SPAG17: variants seen among roughly 807,000 people sequenced by gnomAD.
SPAG17 encodes sperm-associated antigen 17.
A neutral mutation model predicts 273.6 loss-of-function variants in SPAG17; 169 were observed. That is an observed-to-expected ratio of 0.62 (90% CI 0.55 to 0.70). The LOEUF (loss-of-function observed/expected upper bound fraction) is 0.70. SPAG17 is among the 30% of genes least tolerant of loss of function. The probability of loss-of-function intolerance (pLI) is 0.00; values close to 1 mark genes in which losing one functional copy is unlikely to be tolerated. For synonymous variants in SPAG17, 825 were observed against 873.2 expected, an observed-to-expected ratio of 0.94 and a Z score of 0.97; for missense variants, 2,557 against 2,627.8, an observed-to-expected ratio of 0.97 and a Z score of 0.59.
At chr1:118,086,820 G>C (rs1003104653) in intron 11 of SPAG17, 36 bp from the exon 12 acceptor site, 6 of 1,613,762 alleles carry the variant, frequency 3.7e-6, no homozygotes, top group Non-Finnish European at 4.2e-6. Context: ...TTAAAGAGAG[G>C]ATCTATACTT....
At chr1:118,092,553 T>A (rs1655444449) in intron 8 of SPAG17, among the ~76,000 whole-genome samples, 2 of 152,222 alleles carry the variant, frequency 1.3e-5, no homozygotes, top group Admixed American at 1.3e-4. Context: ...TTTGCCCCTG[T>A]CTTGAGAATA....
chr1:117,982,033 C>T (rs1347881212), intron 42 of SPAG17, among the ~76,000 whole-genome samples: 1 of 152,072 alleles, frequency 6.6e-6, no homozygotes, highest in Non-Finnish European at 1.5e-5. Flanking sequence ...TGCTGACTGC[C>T]CAGGCTGCAG....
At position 117,994,519 on chromosome 1, in the gene SPAG17, T is replaced by C. The variant is rs72697565; in HGVS notation, c.5065A>G (p.Ile1689Val). 2.5e-6 allele frequency: 4 copies of C among 1,608,440 alleles called. No individual in the cohort carries two copies. Among genetic ancestry groups the C allele is most frequent in the African/African-American group, 1.3e-5 (1 of 74,744 alleles). ...TCATGGAAAGGGCGAAGGACTGTGA[T>C]GGTTAGGGTGCCTGGTTCAAAGAAA... is the stretch of plus-strand genomic sequence containing the variant. ...PVQEQPGTLT[I>V]TVLRPFHEAS... is the part of the protein sequence containing the mutation. Residue 1689 changes from isoleucine to valine, a missense_variant, in exon 35 of 49, where the codon ATC becomes GTC. Transcript: ENST00000336338.
At chr1:118,009,763 G>T (rs1298217780) in intron 30 of SPAG17, among the ~76,000 whole-genome samples, 1 of 151,738 alleles carries the variant, frequency 6.6e-6, no homozygotes, top group African/African-American at 2.4e-5. Context: ...CATAATAAAA[G>T]GTCCTAATGC....
At chr1:118,161,996 C>G (rs146128748) in intron 1 of SPAG17, among the ~76,000 whole-genome samples, 1 of 152,094 alleles carries the variant, frequency 6.6e-6, no homozygotes, top group Non-Finnish European at 1.5e-5. Flanking sequence ...AAACTGCTTC[C>G]CACTCATTCC....
At chr1:117,963,539 A>G in intron 48 of SPAG17, 2 of 194,196 alleles carry the variant, frequency 1.0e-5, no homozygotes, top group Non-Finnish European at 2.1e-5. Flanking sequence ...GATTTTTTCT[A>G]TTGTTTAGTA....
chr1:118,078,325 TA>T (rs1654271559), intron 15 of SPAG17, among the ~76,000 whole-genome samples: 1 of 152,148 alleles, frequency 6.6e-6, no homozygotes, highest in South Asian at 2.1e-4. Flanking sequence ...TAAATGTTTT[TA>T]AAATTATGAA....
chr1:118,086,579 G>T, intron 12 of SPAG17, 92 bp downstream of exon 12: 1 of 1,062,458 alleles, frequency 9.4e-7, no homozygotes, highest in Non-Finnish European at 1.4e-6. Flanking sequence ...AATTAGTGTT[G>T]ATGAAGTTAT....
intron 3 of SPAG17, among the ~76,000 whole-genome samples, chr1:118,141,914 A>C (rs1374669031): frequency 1.3e-5 from 2 of 152,228 alleles, no homozygotes; most frequent in Non-Finnish European, 1.5e-5. Context: ...GGACTAGTAT[A>C]ATGGGACACT....
rs562909384 is a variant in SPAG17, at chr1:118,073,652, A to G, written c.2385+202T>C. 2.7e-4 allele frequency among the ~76,000 whole-genome samples: 41 copies of G among 152,288 alleles called. 1 individual carries two copies. Among genetic ancestry groups the G allele is most frequent in the Admixed American group, 7.9e-4 (12 of 15,282 alleles). On this transcript the variant is annotated intron_variant, in intron 17 of 48. Coordinates refer to ENST00000336338, the MANE Select transcript of SPAG17 (RefSeq NM_206996.4). ...ATATTTTATAAAAGCATTCTTTCAT[A>G]AAGTATATTTTAAACTATTTTAGAG... is the stretch of plus-strand genomic sequence containing the variant.
rs1261523484 is a variant in SPAG17, at chr1:118,012,173, A to T, written c.4432+55T>A. The T allele has an allele frequency of 1.9e-6, 3 of 1,549,020 alleles. No homozygotes were observed. The Admixed American group carries it at 5.2e-5, about 27-fold the overall frequency. Reference sequence around the variant, plus strand: ...TCAGCAGTCAGTGAGGATTCTATCTAACTTACGCTAAAGAGTTATAAAATA... The same window carrying T: ...TCAGCAGTCAGTGAGGATTCTATCTTACTTACGCTAAAGAGTTATAAAATA... On this transcript the variant is annotated intron_variant, in intron 30 of 48. Coordinates refer to ENST00000336338, the MANE Select transcript of SPAG17 (RefSeq NM_206996.4).
intron 4 of SPAG17, among the ~76,000 whole-genome samples, chr1:118,103,840 A>AGTATGTGTGTGTGT (rs1553251055): frequency 6.6e-5 from 9 of 136,286 alleles, no homozygotes; most frequent in African/African-American, 2.5e-4. Context: ...GGGAAAATGT[A>AGTATGTGTGTGTGT]GTGTGTGTGT....
At chr1:117,974,390 A>C (rs189980227) in intron 43 of SPAG17, among the ~76,000 whole-genome samples, 2 of 152,288 alleles carry the variant, frequency 1.3e-5, no homozygotes, top group East Asian at 3.9e-4. Context: ...ATAAATGAGA[A>C]AAATAAGATT....
rs572580814 is a variant in SPAG17, at chr1:118,134,863, C to A, written c.315+15680G>T. Reference sequence around the variant, plus strand: ...TTCCTTTGCCTAGAATTCCTCTCCTCCTTCATGACTTCTTCATTCAGCTTT... The same window carrying A: ...TTCCTTTGCCTAGAATTCCTCTCCTACTTCATGACTTCTTCATTCAGCTTT... On this transcript the variant is annotated intron_variant, in intron 3 of 48. Coordinates refer to ENST00000336338, the MANE Select transcript of SPAG17 (RefSeq NM_206996.4). Among the ~76,000 whole-genome samples, 29 of 152,294 alleles carry A rather than the reference C, an allele frequency of 1.9e-4. No homozygotes were observed. In the East Asian group the frequency reaches 4.4e-3, roughly 23 times the overall value.
intron 38 of SPAG17, among the ~76,000 whole-genome samples, chr1:117,989,839 C>A (rs1405413450): frequency 1.3e-5 from 2 of 152,002 alleles, no homozygotes; most frequent in Non-Finnish European, 2.9e-5. Flanking sequence ...TTTGGCCTCC[C>A]GAAGTGCTAG....
intron 1 of SPAG17, among the ~76,000 whole-genome samples, chr1:118,178,648 G>A (rs1388388124): frequency 5.3e-5 from 8 of 152,000 alleles, no homozygotes. Context: ...TGTCAAATTA[G>A]CATTGTTCAC....
At chr1:118,169,868 G>C (rs1379996450) in intron 1 of SPAG17, among the ~76,000 whole-genome samples, 1 of 152,066 alleles carries the variant, frequency 6.6e-6, no homozygotes, top group African/African-American at 2.4e-5. Context: ...TTGTCACTAA[G>C]CTATGTTTAA....
At chr1:118,112,722 A>C (rs896435359) in intron 4 of SPAG17, among the ~76,000 whole-genome samples, 2 of 152,118 alleles carry the variant, frequency 1.3e-5, no homozygotes, top group Non-Finnish European at 2.9e-5. Flanking sequence ...TATCCCAGAA[A>C]TTTACATGCT....
Position 118,081,293 on chromosome 1 carries a change from A to G in SPAG17, c.2017T>C (p.Phe673Leu). ...ADIKIKDRTL[F>L]VDQNLSMSVQ... Reference sequence around the variant, plus strand: ...GACATTGACAAATTCTGATCCACAAATAGTGTTCTGTCTTTGATTTTAATA... The same window carrying G: ...GACATTGACAAATTCTGATCCACAAGTAGTGTTCTGTCTTTGATTTTAATA... The change falls in exon 15 of 49, where the codon TTT becomes CTT. Residue 673 changes from phenylalanine (F) to leucine (L), a missense_variant. Transcript: ENST00000336338. 6.2e-7 allele frequency: 1 copy of G among 1,614,040 alleles called. No individual in the cohort carries two copies.
Sources: allele counts gnomAD v4.1 joint callset (sites outside exome capture counted in the v4.1 genomes callset), GRCh38; gene constraint gnomAD v4.1.1; transcripts MANE v1.5; gene names NCBI Gene and HGNC (gene_info 2026-07-23, HGNC 2026-07-21).